Variants in LIMK2 observed in about 807,000 individuals in gnomAD.
LIMK2 encodes the protein LIM domain kinase 2.
Under a neutral mutation model 75.7 loss-of-function variants are expected in LIMK2, and 35 were observed. The observed-to-expected ratio is 0.46, with a 90% confidence interval of 0.35 to 0.61. LIMK2 has a LOEUF of 0.61. Ranked by LOEUF, LIMK2 falls within the 20% of genes least tolerant of loss-of-function variation. The pLI is 0.00. For missense variants in LIMK2, 623 were observed against 831.0 expected (o/e 0.75, Z 3.08); for synonymous variants, 301 against 319.2 (o/e 0.94, Z 0.61).
At chr22:31,252,590 G>T (rs2413043) in intron 2 of LIMK2, among the ~76,000 whole-genome samples, 119,113 of 150,920 alleles carry the variant, frequency 0.79, 47,964 homozygotes, top group African/African-American at 0.95. Context: ...ATAAATAAAG[G>T]TCATTTTAGG....
chr22:31,253,902 C>A, intron 2 of LIMK2, among the ~76,000 whole-genome samples: 1 of 152,192 alleles, frequency 6.6e-6, no homozygotes, highest in Non-Finnish European at 1.5e-5. Flanking sequence ...ACTCTGAAGT[C>A]TACCATGGCA....
chr22:31,217,139 C>T (rs758859915), intron 1 of LIMK2, among the ~76,000 whole-genome samples: 1 of 152,018 alleles, frequency 6.6e-6, no homozygotes, highest in Non-Finnish European at 1.5e-5. Context: ...CAGTGGCTCA[C>T]GCCTGTAATC....
At chr22:31,236,763 A>C (rs1026560032) in intron 2 of LIMK2, among the ~76,000 whole-genome samples, 1 of 151,056 alleles carries the variant, frequency 6.6e-6, no homozygotes, top group Admixed American at 6.6e-5. Context: ...AAAATACAAA[A>C]ATTAGCCAGG....
chr22:31,276,798 C>T (rs368242418), intron 15 of LIMK2: 132 of 1,609,274 alleles, frequency 8.2e-5, no homozygotes, highest in Non-Finnish European at 1.1e-4. Context: ...GAGCCCCCCC[C>T]GGGGCCGCAG....
intron 1 of LIMK2, among the ~76,000 whole-genome samples, chr22:31,221,738 C>T (rs928174596): frequency 6.6e-6 from 1 of 152,188 alleles, no homozygotes; most frequent in African/African-American, 2.4e-5. Context: ...CTGCCTCAGC[C>T]TCCCAAAGTG....
At chr22:31,255,564 C>T (rs868369950) in intron 2 of LIMK2, among the ~76,000 whole-genome samples, 1 of 152,196 alleles carries the variant, frequency 6.6e-6, no homozygotes, top group African/African-American at 2.4e-5. Context: ...GCTGCTTCAA[C>T]TCATTCCTGC....
intron 2 of LIMK2, among the ~76,000 whole-genome samples, chr22:31,236,453 C>A (rs573895939): frequency 3.2e-4 from 47 of 148,694 alleles, no homozygotes; most frequent in African/African-American, 1.0e-3. Context: ...CACAAAAAAT[C>A]AAAAATTTAG....
intron 1 of LIMK2, among the ~76,000 whole-genome samples, chr22:31,221,816 G>T (rs533744869): frequency 6.6e-6 from 1 of 152,246 alleles, no homozygotes; most frequent in Admixed American, 6.5e-5. Context: ...TTTAATATTT[G>T]CTTTGTGTTT....
chr22:31,264,860 T>C (rs947746766), intron 7 of LIMK2, among the ~76,000 whole-genome samples: 8 of 149,752 alleles, frequency 5.3e-5, no homozygotes, highest in Admixed American at 4.7e-4. Context: ...AGTTTGAGAC[T>C]AGCCTGGCCA....
At chr22:31,219,194 T>G (rs2048413088) in intron 1 of LIMK2, among the ~76,000 whole-genome samples, 2 of 152,216 alleles carry the variant, frequency 1.3e-5, no homozygotes, top group Non-Finnish European at 2.9e-5. Flanking sequence ...GGACCATCTT[T>G]CAGTAGCTTT....
intron 1 of LIMK2, among the ~76,000 whole-genome samples, chr22:31,223,653 T>C (rs188085077): frequency 1.2e-4 from 19 of 152,338 alleles, no homozygotes; most frequent in Admixed American, 7.8e-4. Flanking sequence ...CCACTGTCCG[T>C]AACCCAACCT....
At chr22:31,273,924 C>T (rs945111635) in intron 14 of LIMK2, among the ~76,000 whole-genome samples, 10 of 151,792 alleles carry the variant, frequency 6.6e-5, no homozygotes, top group Non-Finnish European at 1.3e-4. Context: ...TCTTGAACTC[C>T]GGACCTCAGG....
At chr22:31,227,293 A>T (rs2048488331) in intron 2 of LIMK2, among the ~76,000 whole-genome samples, 1 of 152,230 alleles carries the variant, frequency 6.6e-6, no homozygotes, top group Non-Finnish European at 1.5e-5. Context: ...CTAGGCAGGC[A>T]CCTTGTGCTG....
chr22:31,228,404 A>G (rs560204983), intron 2 of LIMK2, among the ~76,000 whole-genome samples: 4 of 152,196 alleles, frequency 2.6e-5, no homozygotes, highest in Non-Finnish European at 4.4e-5. Flanking sequence ...GGGCAACAAG[A>G]GGGAAACTCC....
intron 5 of LIMK2, among the ~76,000 whole-genome samples, chr22:31,260,417 G>T (rs890083833): frequency 2.6e-5 from 4 of 152,222 alleles, no homozygotes; most frequent in Non-Finnish European, 5.9e-5. Flanking sequence ...GAAGAAACTT[G>T]CTGTCTTATT....
At chr22:31,241,787 A>G (rs1015327444) in intron 2 of LIMK2, among the ~76,000 whole-genome samples, 2 of 152,238 alleles carry the variant, frequency 1.3e-5, no homozygotes, top group African/African-American at 4.8e-5. Context: ...GATAATAACT[A>G]ATGTTTATAA....
intron 11 of LIMK2, among the ~76,000 whole-genome samples, chr22:31,269,952 G>T (rs2048938930): frequency 6.6e-6 from 1 of 150,634 alleles, no homozygotes; most frequent in Non-Finnish European, 1.5e-5. Context: ...GAGACTGGTT[G>T]GCAATGAGGG....
intron 14 of LIMK2, among the ~76,000 whole-genome samples, chr22:31,274,045 G>A (rs1399273050): frequency 1.3e-5 from 2 of 150,068 alleles, no homozygotes; most frequent in African/African-American, 2.5e-5. Context: ...AGGCTTGGAA[G>A]AGGGCAGTGG....
rs557702053 is a variant in LIMK2 at position 31,245,031 on chromosome 22, G to A, written c.117-13260G>A. The stretch of plus-strand genomic sequence containing the variant: ...ATCACAGCACTGTGGAATAGTGGGG[G>A]TTAAAATTCATTCATACAAGTAGTG... On this transcript the variant is annotated intron_variant, in intron 2 of 15. Transcript: ENST00000331728. 3.3e-5 allele frequency among the ~76,000 whole-genome samples: 5 copies of A among 152,356 alleles called. No individual in the cohort carries two copies. The South Asian group carries it at 1.0e-3, about 32-fold the overall frequency.
Sources: gnomAD v4.1 joint callset for allele counts (sites outside exome capture counted in the v4.1 genomes callset) on GRCh38, gnomAD v4.1.1 for gene constraint, MANE v1.5 for transcripts, NCBI Gene and HGNC (gene_info 2026-07-23, HGNC 2026-07-21) for gene names.